The following PLEKHA8 variants were observed in gnomAD, a reference collection of about 807,000 sequenced individuals.
PLEKHA8 encodes the protein pleckstrin homology domain containing A8.
A neutral mutation model predicts 68.2 loss-of-function variants in PLEKHA8; 36 were observed. That is an observed-to-expected ratio of 0.53 (90% CI 0.40 to 0.70). The LOEUF is 0.70. PLEKHA8 is among the 30% of genes least tolerant of loss of function. The pLI is 0.00. For missense variants in PLEKHA8, 505 were observed against 615.4 expected, an observed-to-expected ratio of 0.82 and a Z score of 1.90; for synonymous variants, 211 against 216.1, an observed-to-expected ratio of 0.98 and a Z score of 0.20.
At chr7:30,029,764 A>T (rs1181587982) in intron 1 of PLEKHA8, among the ~76,000 whole-genome samples, 1 of 152,006 alleles carries the variant, frequency 6.6e-6, no homozygotes, top group Non-Finnish European at 1.5e-5. Flanking sequence ...CTTTTGTGGG[A>T]TAGTTTTTAA....
At chr7:30,045,571 A>C (rs898086750) in intron 2 of PLEKHA8, among the ~76,000 whole-genome samples, 9 of 152,192 alleles carry the variant, frequency 5.9e-5, no homozygotes, top group Non-Finnish European at 1.3e-4. Flanking sequence ...CCTCCACCAA[A>C]ACAAAACAAG....
At position 30,084,599 on chromosome 7, in the gene PLEKHA8, A is replaced by C; in HGVS notation, c.*5812A>C. ...ACTTTTTTTGCAAAAATGTTTGAAA[A>C]TATCTGTCAGATTTTATATTCGTTA... On this transcript the variant is annotated 3_prime_UTR_variant, in exon 14 of 14. Coordinates refer to ENST00000449726, the MANE Select transcript of PLEKHA8 (RefSeq NM_001197026.2). The C allele has an allele frequency of 1.0e-6, 1 of 955,250 alleles. No individual in the cohort carries two copies. The highest frequency in any genetic ancestry group is 6.2e-5 in the Admixed American group (1 of 16,218). 59.2% of individuals were successfully genotyped at this position (955,250 alleles called of 1,614,324 possible). A position where few individuals can be genotyped will look rare whatever the true frequency, so the allele number is the denominator to read the frequency against.
At chr7:30,111,990 A>G (rs533056947) in intron 13 of PLEKHA8, among the ~76,000 whole-genome samples, 2 of 152,366 alleles carry the variant, frequency 1.3e-5, no homozygotes, top group East Asian at 1.9e-4. Flanking sequence ...GGAATGGCAA[A>G]ATAATTACCA....
chr7:30,111,789 T>C (rs1359060984), intron 13 of PLEKHA8, among the ~76,000 whole-genome samples: 1 of 152,142 alleles, frequency 6.6e-6, no homozygotes, highest in Non-Finnish European at 1.5e-5. Flanking sequence ...CCAGCTAATT[T>C]TGTATGGAAT....
intron 13 of PLEKHA8, among the ~76,000 whole-genome samples, chr7:30,096,686 C>G (rs561797422): frequency 3.3e-5 from 5 of 152,228 alleles, no homozygotes; most frequent in African/African-American, 9.6e-5. Flanking sequence ...CTTGGTAGAT[C>G]TTCCTCCATC....
At chr7:30,090,226 A>G in exon 13 of PLEKHA8, 2 of 1,540,620 alleles carry the variant, frequency 1.3e-6, no homozygotes, top group South Asian at 2.4e-5. Context: ...TGAAGAAAGA[A>G]TTCCTCACCA....
At chr7:30,120,980 T>C (rs900878914) in intron 13 of PLEKHA8, among the ~76,000 whole-genome samples, 10 of 152,154 alleles carry the variant, frequency 6.6e-5, no homozygotes, top group African/African-American at 2.4e-4. Flanking sequence ...AGTAACATAT[T>C]GACACCAGAG....
chr7:30,113,044 T>G lies in PLEKHA8; in HGVS notation c.1363-16222T>G, dbSNP rs1796322250. On this transcript the variant is annotated intron_variant, in intron 13 of 13. Coordinates refer to the PLEKHA8 transcript ENST00000396257. ...GCCTCTTGTCTGACATGTTTTTGTC[T>G]TCTGATAGTTTTGTGCCTCCTTATG... Among the ~76,000 whole-genome samples, 3 of 152,244 alleles carry G rather than the reference T, an allele frequency of 2.0e-5. No individual in the cohort carries two copies. The South Asian group carries it at 6.2e-4, about 31-fold the overall frequency.
intron 12 of PLEKHA8, among the ~76,000 whole-genome samples, chr7:30,070,401 A>G (rs1794157522): frequency 6.6e-6 from 1 of 152,168 alleles, no homozygotes; most frequent in South Asian, 2.1e-4. Flanking sequence ...TTGGACTCAC[A>G]GCACCTTTGT....
Position 30,028,671 on chromosome 7 carries a change from C to T in PLEKHA8, c.-92C>T. 1 of 1,032,970 alleles carries T rather than the reference C, an allele frequency of 9.7e-7. No homozygotes were observed. Among genetic ancestry groups the T allele is most frequent in the Non-Finnish European group, 1.2e-6 (1 of 801,484 alleles). The allele number at this position is 1,032,970 out of a possible 1,614,324, so 64.0% of individuals were successfully genotyped here. On this transcript the variant is annotated 5_prime_UTR_variant, in exon 1 of 14. Transcript: ENST00000449726. ...CCGGGAGTGGGCGTCTGGGCAGCGC[C>T]AGGCGATGGCCCTGCTGCTGGTGCT...
intron 12 of PLEKHA8, among the ~76,000 whole-genome samples, chr7:30,070,455 G>C (rs1387241409): frequency 6.6e-6 from 1 of 151,854 alleles, no homozygotes; most frequent in Non-Finnish European, 1.5e-5. Flanking sequence ...GCATGGAAAA[G>C]AGTTTCTAGG....
At chr7:30,114,642 A>G (rs1796371681) in intron 13 of PLEKHA8, among the ~76,000 whole-genome samples, 1 of 152,150 alleles carries the variant, frequency 6.6e-6, no homozygotes. Context: ...CTTTTAAGTC[A>G]GCAGGATTTT....
intron 1 of PLEKHA8, among the ~76,000 whole-genome samples, chr7:30,040,297 C>T (rs1289531073): frequency 2.0e-5 from 3 of 152,188 alleles, no homozygotes; most frequent in African/African-American, 7.2e-5. Flanking sequence ...AGATTTTCTT[C>T]CTTCTCCTTC....
chr7:30,090,181 A>G lies in PLEKHA8; in HGVS notation c.*6A>G, dbSNP rs1019615107. ...ATCCAACAGAAAACACTTGACACCAAAACATACCCTGATGAAGATCCTGAA... is the reference window on the plus strand; with the variant it reads ...ATCCAACAGAAAACACTTGACACCAGAACATACCCTGATGAAGATCCTGAA... On this transcript the variant is annotated 3_prime_UTR_variant, in exon 13 of 13. Coordinates refer to the PLEKHA8 transcript ENST00000258679. 17 of 1,550,160 alleles carry G rather than the reference A, an allele frequency of 1.1e-5. No homozygotes were observed. In the African/African-American group the frequency reaches 2.2e-4, roughly 20 times the overall value.
In PLEKHA8 at chr7:30,054,767, C is replaced by T. The variant is rs1012321036; in HGVS notation, c.855C>T (p.Asn285=). 5 of 1,606,012 alleles carry T rather than the reference C, an allele frequency of 3.1e-6. No homozygotes were observed. The highest frequency in any genetic ancestry group is 4.3e-6 in the Non-Finnish European group (5 of 1,175,298). ...AAAACCTGAAAAATCATGACAATAACTTGACTCAGTCTGGATCAGACTCAA... is the reference window on the plus strand; with the variant it reads ...AAAACCTGAAAAATCATGACAATAATTTGACTCAGTCTGGATCAGACTCAA... ...GMENLKNHDN[N]LTQSGSDSSC... The change falls in exon 8 of 14, where the codon AAC becomes AAT. Residue 285 remains asparagine, a synonymous_variant. Coordinates refer to ENST00000449726, the MANE Select transcript of PLEKHA8 (RefSeq NM_001197026.2).
rs13226938 is a variant in PLEKHA8, at chr7:30,056,349, T to C, written c.1039+1007T>C. Among the ~76,000 whole-genome samples the C allele has an allele frequency of 4.7e-5, 6 of 128,074 alleles. No individual in the cohort carries two copies. In the East Asian group the frequency reaches 1.3e-3, roughly 28 times the overall value. The allele number at this position is 128,074 out of a possible 152,430, so 84.0% of individuals were successfully genotyped here. ...ATATATATAAATAACATATATATAA[T>C]ATATATAACACATATATATATAAAT... is the stretch of plus-strand genomic sequence containing the variant. On this transcript the variant is annotated intron_variant, in intron 9 of 13. Transcript: ENST00000449726.
At chr7:30,115,529 T>A (rs1583484236) in intron 13 of PLEKHA8, among the ~76,000 whole-genome samples, 1 of 148,100 alleles carries the variant, frequency 6.8e-6, no homozygotes, top group South Asian at 2.1e-4. Context: ...CGTATACATG[T>A]AGACATATGT....
chr7:30,048,591 C>CTT (rs1462110170), intron 4 of PLEKHA8, among the ~76,000 whole-genome samples: 5 of 152,294 alleles, frequency 3.3e-5, no homozygotes, highest in African/African-American at 1.2e-4. Flanking sequence ...TGGTGTTAAG[C>CTT]TATGTATAGA....
chr7:30,108,279 T>C (rs1161866389), intron 13 of PLEKHA8, among the ~76,000 whole-genome samples: 1 of 152,114 alleles, frequency 6.6e-6, no homozygotes, highest in African/African-American at 2.4e-5. Flanking sequence ...TTTTTGCATC[T>C]ATATTTAGAA....
Sources: gnomAD v4.1 joint callset for allele counts (sites outside exome capture counted in the v4.1 genomes callset) on GRCh38, gnomAD v4.1.1 for gene constraint, MANE v1.5 for transcripts, NCBI Gene and HGNC (gene_info 2026-07-23, HGNC 2026-07-21) for gene names.